LINGO2: variants seen among roughly 807,000 people sequenced by gnomAD.
The protein encoded by LINGO2 is leucine-rich repeat and immunoglobulin-like domain-containing nogo receptor-interacting protein 2.
Under a neutral mutation model 30.6 loss-of-function variants are expected in LINGO2, and 14 were observed. That is an observed-to-expected ratio of 0.46 (90% CI 0.30 to 0.72). The LOEUF is 0.72. Ranked by LOEUF, LINGO2 falls within the 30% of genes least tolerant of loss-of-function variation. The probability of loss-of-function intolerance (pLI) is 0.07; values close to 1 mark genes in which losing one functional copy is unlikely to be tolerated. For synonymous variants in LINGO2, 317 were observed against 288.5 expected (o/e 1.10, Z -1.00); for missense variants, 729 against 751.7 (o/e 0.97, Z 0.35).
chr9:28,334,628 G>A (rs776635746), intron 3 of LINGO2, among the ~76,000 whole-genome samples: 8 of 152,060 alleles, frequency 5.3e-5, no homozygotes, highest in Non-Finnish European at 1.0e-4. Context: ...GGTTTGGGTG[G>A]CGTAGTGGTT....
intron 1 of LINGO2, among the ~76,000 whole-genome samples, chr9:28,481,487 A>C (rs1825960715): frequency 1.3e-5 from 2 of 152,056 alleles, no homozygotes; most frequent in Non-Finnish European, 2.9e-5. Context: ...ATTCAGAGGA[A>C]CATTCCTTTG....
intron 1 of LINGO2, among the ~76,000 whole-genome samples, chr9:28,547,523 C>G (rs1215402699): frequency 1.3e-5 from 2 of 152,024 alleles, no homozygotes; most frequent in African/African-American, 4.8e-5. Context: ...TATAAAACAA[C>G]TTTAGTTCTT....
the LINGO2 span, among the ~76,000 whole-genome samples, chr9:29,026,810 G>GT: frequency 2.0e-5 from 3 of 151,934 alleles, no homozygotes; most frequent in Non-Finnish European, 2.9e-5. Flanking sequence ...GCTGTTACAG[G>GT]TATCTACTTT....
intron 3 of LINGO2, among the ~76,000 whole-genome samples, chr9:28,331,996 T>A (rs1825437780): frequency 1.3e-5 from 2 of 152,262 alleles, no homozygotes; most frequent in Admixed American, 1.3e-4. Flanking sequence ...TTGTAGATAA[T>A]AAAGTTCTTA....
rs566056924 is a variant in LINGO2 at position 28,337,789 on chromosome 9, T to A, written c.-246+35047A>T. Reference sequence around the variant, plus strand: ...CCTATGGGTGCACAGAGGTCAAGAATTGAGGTTTGGGAACATCCACCTAGA... The same window carrying A: ...CCTATGGGTGCACAGAGGTCAAGAAATGAGGTTTGGGAACATCCACCTAGA... On this transcript the variant is annotated intron_variant, in intron 3 of 5. Coordinates refer to ENST00000379992, the Ensembl canonical transcript of LINGO2. Among the ~76,000 whole-genome samples, 17 of 152,172 alleles carry A rather than the reference T, an allele frequency of 1.1e-4. 1 individual carries two copies. In the East Asian group the frequency reaches 2.5e-3, roughly 22 times the overall value.
At chr9:28,448,222 C>T (rs1789259422) in intron 2 of LINGO2, among the ~76,000 whole-genome samples, 1 of 152,074 alleles carries the variant, frequency 6.6e-6, no homozygotes, top group South Asian at 2.1e-4. Context: ...TGTGCACCTA[C>T]AAAATGGAGA....
intron 4 of LINGO2, among the ~76,000 whole-genome samples, chr9:28,204,497 T>G (rs1036345190): frequency 6.6e-6 from 1 of 152,160 alleles, no homozygotes; most frequent in Non-Finnish European, 1.5e-5. Flanking sequence ...ATTCTAATCA[T>G]GCTCTCAGTG....
At chr9:28,416,910 T>C (rs1371740539) in intron 2 of LINGO2, among the ~76,000 whole-genome samples, 1 of 152,206 alleles carries the variant, frequency 6.6e-6, no homozygotes, top group African/African-American at 2.4e-5. Context: ...TGTACATATG[T>C]ACCCAATTCT....
the LINGO2 span, among the ~76,000 whole-genome samples, chr9:28,866,194 C>T: frequency 1.8e-4 from 27 of 152,156 alleles, no homozygotes; most frequent in South Asian, 1.5e-3. Flanking sequence ...ACTAATTTTC[C>T]GGTGCACTGA....
intron 4 of LINGO2, among the ~76,000 whole-genome samples, chr9:28,052,974 C>T (rs1824745990): frequency 1.3e-5 from 2 of 152,172 alleles, no homozygotes; most frequent in African/African-American, 2.4e-5. Flanking sequence ...ACATGTAAGA[C>T]ATTATGCTAG....
the LINGO2 span, among the ~76,000 whole-genome samples, chr9:29,141,430 T>A: frequency 6.8e-6 from 1 of 147,772 alleles, no homozygotes; most frequent in Non-Finnish European, 1.5e-5. Context: ...AAAGAAAAAA[T>A]AAGAAAGGAA....
chr9:29,012,830 A>C, the LINGO2 span, among the ~76,000 whole-genome samples: 1 of 152,172 alleles, frequency 6.6e-6, no homozygotes, highest in African/African-American at 2.4e-5. Flanking sequence ...TTGATTTGGA[A>C]AAGTGGTTAA....
At chr9:28,839,641 T>G in the LINGO2 span, among the ~76,000 whole-genome samples, 3 of 150,866 alleles carry the variant, frequency 2.0e-5, no homozygotes, top group African/African-American at 7.3e-5. Flanking sequence ...AGTCCAGGGG[T>G]TTTTACATGC....
the LINGO2 span, among the ~76,000 whole-genome samples, chr9:29,101,819 C>T: frequency 1.1e-4 from 17 of 152,226 alleles, no homozygotes; most frequent in East Asian, 3.1e-3. Context: ...TGTTGATGGA[C>T]ACCTAGGTTG....
chr9:28,302,588 C>A (rs1824189990), intron 3 of LINGO2, among the ~76,000 whole-genome samples: 1 of 152,052 alleles, frequency 6.6e-6, no homozygotes, highest in Non-Finnish European at 1.5e-5. Context: ...GGAGGATCAC[C>A]TGAACCCAGG....
At chr9:27,987,465 T>C (rs1162306682) in intron 5 of LINGO2, among the ~76,000 whole-genome samples, 1 of 151,872 alleles carries the variant, frequency 6.6e-6, no homozygotes, top group Non-Finnish European at 1.5e-5. Flanking sequence ...TTGCTTTAAG[T>C]ATAGATTAGA....
intron 4 of LINGO2, among the ~76,000 whole-genome samples, chr9:28,105,699 T>C (rs1339615552): frequency 5.9e-5 from 9 of 151,978 alleles, no homozygotes; most frequent in Non-Finnish European, 1.3e-4. Context: ...GGTCACTTTA[T>C]AACAAGAGGA....
chr9:28,707,496 C>T, the LINGO2 span, among the ~76,000 whole-genome samples: 4 of 152,100 alleles, frequency 2.6e-5, no homozygotes, highest in Non-Finnish European at 4.4e-5. Context: ...ATTCGCTGCA[C>T]TGGGGAATTC....
the LINGO2 span, among the ~76,000 whole-genome samples, chr9:29,027,099 G>A: frequency 6.6e-6 from 1 of 152,096 alleles, no homozygotes; most frequent in Non-Finnish European, 1.5e-5. Context: ...AGGAGAAAAT[G>A]TAGAATATAG....
Sources: allele counts gnomAD v4.1 joint callset (sites outside exome capture counted in the v4.1 genomes callset), GRCh38; gene constraint gnomAD v4.1.1; transcripts MANE v1.5; gene names NCBI Gene and HGNC (gene_info 2026-07-23, HGNC 2026-07-21).